Variants in PLEKHM3 observed in about 807,000 individuals in gnomAD.
The protein encoded by PLEKHM3 is pleckstrin homology domain containing M3.
PLEKHM3 carries 45 observed loss-of-function variants against 81.8 expected under a neutral mutation model. The observed-to-expected ratio is 0.55, with a 90% confidence interval of 0.43 to 0.71. The LOEUF is 0.71. Ranked by LOEUF, PLEKHM3 falls within the 30% of genes least tolerant of loss-of-function variation. The probability of loss-of-function intolerance (pLI) is 0.00; values close to 1 mark genes in which losing one functional copy is unlikely to be tolerated. For missense variants in PLEKHM3, 788 were observed against 924.3 expected (o/e 0.85, Z 1.91); for synonymous variants, 352 against 356.4 (o/e 0.99, Z 0.14).
intron 1 of PLEKHM3, among the ~76,000 whole-genome samples, chr2:208,008,710 C>T (rs544268521): frequency 2.0e-5 from 3 of 152,306 alleles, no homozygotes; most frequent in Non-Finnish European, 4.4e-5. Context: ...TAAAAGTTTC[C>T]TCCCAGGGTT....
At chr2:208,013,905 T>G (rs4673377) in intron 1 of PLEKHM3, among the ~76,000 whole-genome samples, 90,020 of 152,064 alleles carry the variant, frequency 0.59, 29,452 homozygotes, top group Non-Finnish European at 0.73. Flanking sequence ...AGAGTAAATG[T>G]ATGAGAGAAG....
At chr2:207,968,424 T>C (rs1422188387) in intron 3 of PLEKHM3, among the ~76,000 whole-genome samples, 1 of 152,104 alleles carries the variant, frequency 6.6e-6, no homozygotes, top group African/African-American at 2.4e-5. Flanking sequence ...GCTTTCAAAT[T>C]CTCTAGTACA....
rs116371437 is a variant in PLEKHM3, at chr2:207,885,748, C to T, written c.1950+22766G>A. Reference sequence around the variant, plus strand: ...TTGATTGCTCACAATAATTAGTTATCTCAGATACTTAAAAATGATTTTATT... The same window carrying T: ...TTGATTGCTCACAATAATTAGTTATTTCAGATACTTAAAAATGATTTTATT... On this transcript the variant is annotated intron_variant, in intron 6 of 7. Coordinates refer to ENST00000427836, the MANE Select transcript of PLEKHM3 (RefSeq NM_001080475.3). Among the ~76,000 whole-genome samples the T allele has an allele frequency of 6.4e-3, 975 of 152,208 alleles. 4 individuals are homozygous for T. The highest frequency in any genetic ancestry group is 0.011 in the Non-Finnish European group (727 of 68,024).
intron 1 of PLEKHM3, among the ~76,000 whole-genome samples, chr2:208,012,637 T>C (rs1450660249): frequency 6.6e-6 from 1 of 152,232 alleles, no homozygotes; most frequent in Non-Finnish European, 1.5e-5. Context: ...GGGAAGAACA[T>C]AAATTTATGA....
At chr2:207,928,900 A>T (rs1403655002) in intron 5 of PLEKHM3, among the ~76,000 whole-genome samples, 1 of 152,232 alleles carries the variant, frequency 6.6e-6, no homozygotes, top group Non-Finnish European at 1.5e-5. Flanking sequence ...TTCACTCAAC[A>T]ACTATTTTTG....
intron 1 of PLEKHM3, among the ~76,000 whole-genome samples, chr2:208,019,174 C>G (rs911766782): frequency 6.6e-6 from 1 of 151,944 alleles, no homozygotes; most frequent in South Asian, 2.1e-4. Context: ...GGCATGGGGG[C>G]GTGAACCTAT....
chr2:207,886,577 G>A lies in PLEKHM3; in HGVS notation c.1950+21937C>T, dbSNP rs151261453. On this transcript the variant is annotated intron_variant, in intron 6 of 7. Coordinates refer to ENST00000427836, the MANE Select transcript of PLEKHM3 (RefSeq NM_001080475.3). The stretch of plus-strand genomic sequence containing the variant: ...AAGCCAGTATCCCTTGCCATAAAAT[G>A]AAGCTAACACAGATGCTGCAAGGCC... 2.4e-4 allele frequency among the ~76,000 whole-genome samples: 36 copies of A among 152,284 alleles called. No individual in the cohort carries two copies. The East Asian group carries it at 6.9e-3, about 29-fold the overall frequency.
At chr2:207,852,828 C>T (rs2092419561) in intron 7 of PLEKHM3, 1 of 432,160 alleles carries the variant, frequency 2.3e-6, no homozygotes, top group Non-Finnish European at 4.5e-6. Flanking sequence ...GCATATGGGT[C>T]TCCGAATCTA....
At chr2:207,917,481 G>C (rs926113315) in intron 5 of PLEKHM3, among the ~76,000 whole-genome samples, 7 of 152,196 alleles carry the variant, frequency 4.6e-5, no homozygotes, top group African/African-American at 1.7e-4. Flanking sequence ...GATTTTGGTT[G>C]TAAGATATTC....
intron 4 of PLEKHM3, among the ~76,000 whole-genome samples, chr2:207,945,085 A>C (rs1690078072): frequency 1.3e-5 from 2 of 152,154 alleles, no homozygotes; most frequent in South Asian, 4.1e-4. Context: ...TAAGGTCACT[A>C]ATTACCTTCA....
intron 6 of PLEKHM3, among the ~76,000 whole-genome samples, chr2:207,883,104 C>T (rs947023930): frequency 6.6e-6 from 1 of 152,180 alleles, no homozygotes; most frequent in African/African-American, 2.4e-5. Flanking sequence ...CATTGGTTGA[C>T]AAGGCTTTGG....
At chr2:207,865,804 ATATATATATATATATAT>A (rs2092496498) in intron 6 of PLEKHM3, among the ~76,000 whole-genome samples, 8 of 30,920 alleles carry the variant, frequency 2.6e-4, no homozygotes, top group East Asian at 2.5e-3. Flanking sequence ...AAAAAAAAAG[ATATATATATATATATAT>A]ATATATATAT....
At chr2:207,846,539 G>T (rs994476464) in intron 7 of PLEKHM3, among the ~76,000 whole-genome samples, 1 of 150,040 alleles carries the variant, frequency 6.7e-6, no homozygotes, top group African/African-American at 2.4e-5. Context: ...GGGCAACATG[G>T]TGAAACCCCA....
At chr2:207,842,127 C>T (rs1390473320) in intron 7 of PLEKHM3, among the ~76,000 whole-genome samples, 1 of 152,100 alleles carries the variant, frequency 6.6e-6, no homozygotes, top group African/African-American at 2.4e-5. Flanking sequence ...TTAGTAGAGA[C>T]GGGGTTTCAC....
At chr2:208,017,811 G>A (rs2106125359) in intron 1 of PLEKHM3, among the ~76,000 whole-genome samples, 1 of 152,098 alleles carries the variant, frequency 6.6e-6, no homozygotes, top group East Asian at 1.9e-4. Flanking sequence ...CTCAGCATCT[G>A]ACCTAACCAC....
intron 1 of PLEKHM3, among the ~76,000 whole-genome samples, chr2:208,016,670 T>TACACAC (rs370576889): frequency 3.1e-5 from 2 of 65,066 alleles, no homozygotes; most frequent in Admixed American, 2.1e-4. Flanking sequence ...AAAAAAAAAA[T>TACACAC]ACACACACAC....
chr2:207,865,800 A>AT lies in PLEKHM3; in HGVS notation c.1951-4539_1951-4538insA, dbSNP rs1559212790. The stretch of plus-strand genomic sequence containing the variant: ...CCGACTCAAAAAAAAAAAAAAAAAA[A>AT]AAGATATATATATATATATATATAT... On this transcript the variant is annotated intron_variant, in intron 6 of 7. Transcript: ENST00000427836. 1.4e-3 allele frequency among the ~76,000 whole-genome samples: 62 copies of AT among 44,130 alleles called. 8 individuals are homozygous for AT. Among genetic ancestry groups the AT allele is most frequent in the African/African-American group, 8.7e-3 (56 of 6,444 alleles). 29.0% of individuals were successfully genotyped at this position (44,130 alleles called of 152,430 possible).
At chr2:207,931,656 T>C (rs559994167) in intron 4 of PLEKHM3, among the ~76,000 whole-genome samples, 2 of 152,332 alleles carry the variant, frequency 1.3e-5, no homozygotes, top group South Asian at 2.1e-4. Flanking sequence ...CATAACACTT[T>C]TGAAAAGTAG....
intron 7 of PLEKHM3, among the ~76,000 whole-genome samples, chr2:207,858,553 C>T (rs1045662619): frequency 3.3e-5 from 5 of 151,376 alleles, no homozygotes; most frequent in African/African-American, 4.9e-5. Flanking sequence ...ATGATCTCTG[C>T]TCACTGCGAC....
Sources: allele counts gnomAD v4.1 joint callset (sites outside exome capture counted in the v4.1 genomes callset), GRCh38; gene constraint gnomAD v4.1.1; transcripts MANE v1.5; gene names NCBI Gene and HGNC (gene_info 2026-07-23, HGNC 2026-07-21).